The following PIKFYVE variants were observed in gnomAD, a reference collection of about 807,000 sequenced individuals.
The protein encoded by PIKFYVE is 1-phosphatidylinositol 3-phosphate 5-kinase.
A neutral mutation model predicts 257.9 loss-of-function variants in PIKFYVE; 122 were observed. The observed-to-expected ratio is 0.47, with a 90% CI of 0.41 to 0.55. The LOEUF is 0.55. Ranked by LOEUF, PIKFYVE falls within the 20% of genes least tolerant of loss-of-function variation. The pLI, the probability that PIKFYVE is intolerant of heterozygous loss-of-function variation, is 0.00. For missense variants in PIKFYVE, 2,160 were observed against 2,536.6 expected, an observed-to-expected ratio of 0.85 and a Z score of 3.19; for synonymous variants, 892 against 868.9, an observed-to-expected ratio of 1.03 and a Z score of -0.47.
rs1232817137 is a variant in PIKFYVE at position 208,342,546 on chromosome 2, T to A, written c.4932-8T>A. ...TAGTTAACTTATGTATTTTAAAAAT[T>A]TGCATAGTGATCCAGATAAACACTA... On this transcript the variant is annotated splice_polypyrimidine_tract_variant and splice_region_variant and intron_variant, in intron 31 of 41. Transcript: ENST00000264380. 3.7e-6 allele frequency: 6 copies of A among 1,608,942 alleles called. No homozygotes were observed. Among genetic ancestry groups the A allele is most frequent in the Non-Finnish European group, 5.1e-6 (6 of 1,175,494 alleles).
chr2:208,354,153 A>G lies in PIKFYVE; in HGVS notation c.6100A>G (p.Ile2034Val). The change falls in exon 40 of 42, where the codon ATT (isoleucine) becomes GTT (valine). Residue 2034 changes from isoleucine to valine, a missense_variant. Coordinates refer to ENST00000264380, the MANE Select transcript of PIKFYVE (RefSeq NM_015040.4). Reference sequence around the variant, plus strand: ...TACTAGCAATGAGCTAGTAGTTGGAATTATAGGTAAGTCAATGAGTACCCT... The same window carrying G: ...TACTAGCAATGAGCTAGTAGTTGGAGTTATAGGTAAGTCAATGAGTACCCT... Reference protein sequence around the residue: ...DDTSNELVVGIIDYIRTFTWD... With the variant: ...DDTSNELVVGVIDYIRTFTWD... 3 of 1,613,012 alleles carry G rather than the reference A, an allele frequency of 1.9e-6. No homozygotes were observed. Among genetic ancestry groups the G allele is most frequent in the Non-Finnish European group, 2.5e-6 (3 of 1,179,808 alleles).
intron 34 of PIKFYVE, among the ~76,000 whole-genome samples, chr2:208,347,188 A>G (rs1424338288): frequency 6.6e-6 from 1 of 152,232 alleles, no homozygotes; most frequent in Non-Finnish European, 1.5e-5. Flanking sequence ...TTACCCAAGT[A>G]AGCACATTTA....
At chr2:208,322,702 T>TA (rs71041303) in intron 17 of PIKFYVE, among the ~76,000 whole-genome samples, 18,739 of 148,298 alleles carry the variant, frequency 0.13, 1,341 homozygotes, top group African/African-American at 0.18. Context: ...TATATATATA[T>TA]TTTTTTTATT....
intron 6 of PIKFYVE, 127 bp from the exon 7 acceptor site, chr2:208,288,602 C>G (rs1432448944): frequency 7.0e-7 from 1 of 1,420,096 alleles, no homozygotes; most frequent in East Asian, 2.5e-5. Flanking sequence ...AAAGGAAGAA[C>G]AAAAATGACA....
chr2:208,280,828 G>A (rs1690709679), intron 5 of PIKFYVE, among the ~76,000 whole-genome samples: 2 of 152,162 alleles, frequency 1.3e-5, no homozygotes, highest in South Asian at 4.1e-4. Context: ...CTTCACTTGT[G>A]GAGACATTAT....
rs16840942 is a variant in PIKFYVE, at chr2:208,324,127, A to T, written c.2191-15A>T. 8,771 of 1,611,254 alleles carry T rather than the reference A, an allele frequency of 5.4e-3. 373 individuals are homozygous for T. The African/African-American group carries it at 0.1, about 19-fold the overall frequency. ...CATTTTACCAGGTGTAATATTTCTG[A>T]TTTATCTTACTTAGGAAAGGGAATT... On this transcript the variant is annotated splice_polypyrimidine_tract_variant and intron_variant, in intron 17 of 41. Transcript: ENST00000264380.
intron 3 of PIKFYVE, chr2:208,274,157 G>C (rs1467294848): frequency 4.0e-6 from 5 of 1,261,006 alleles, no homozygotes; most frequent in African/African-American, 3.0e-5. Context: ...TCCATTATTG[G>C]GCTGCCACTT....
At chr2:208,316,100 C>T (rs1574590050) in intron 15 of PIKFYVE, among the ~76,000 whole-genome samples, 1 of 143,916 alleles carries the variant, frequency 6.9e-6, no homozygotes. Context: ...TGTTCAATTC[C>T]CATCTATGAG....
At chr2:208,281,018 AG>A (rs1690735468) in intron 5 of PIKFYVE, among the ~76,000 whole-genome samples, 1 of 152,214 alleles carries the variant, frequency 6.6e-6, no homozygotes, top group Non-Finnish European at 1.5e-5. Flanking sequence ...CAGTAGCAGT[AG>A]TTCCTGCTGT....
chr2:208,274,513 C>T (rs889467189), intron 3 of PIKFYVE, among the ~76,000 whole-genome samples: 3 of 152,136 alleles, frequency 2.0e-5, no homozygotes, highest in African/African-American at 7.2e-5. Context: ...GATCTTCCCC[C>T]AGATAGTGGT....
chr2:208,335,212 G>T, intron 24 of PIKFYVE, 94 bp from the exon 25 acceptor site: 1 of 832,928 alleles, frequency 1.2e-6, no homozygotes, highest in Non-Finnish European at 2.0e-6. Flanking sequence ...TTCCTCTTAT[G>T]CCTCATAGAA....
chr2:208,349,073 G>A (rs1699512777), intron 35 of PIKFYVE, among the ~76,000 whole-genome samples: 1 of 152,100 alleles, frequency 6.6e-6, no homozygotes, highest in Non-Finnish European at 1.5e-5. Flanking sequence ...TGAGGCACGA[G>A]AACTGCATGA....
At chr2:208,349,807 TAATTTAAAAACTGA>T (rs1699600954) in intron 35 of PIKFYVE, among the ~76,000 whole-genome samples, 1 of 152,130 alleles carries the variant, frequency 6.6e-6, no homozygotes, top group Admixed American at 6.5e-5. Flanking sequence ...TCTATTTTTC[TAATTTAAAAACTGA>T]AATTCCAAAA....
chr2:208,274,122 C>A, intron 3 of PIKFYVE: 1 of 1,500,566 alleles, frequency 6.7e-7, no homozygotes, highest in Non-Finnish European at 9.2e-7. Context: ...GATATGCATG[C>A]CTCTGGCTGC....
At chr2:208,342,853 G>C (rs919504853) in intron 32 of PIKFYVE, among the ~76,000 whole-genome samples, 1 of 142,226 alleles carries the variant, frequency 7.0e-6, no homozygotes, top group African/African-American at 2.6e-5. Flanking sequence ...GGAGTGCAGT[G>C]GTGCAATCTC....
At chr2:208,332,029 A>G (rs1287529113) in intron 23 of PIKFYVE, among the ~76,000 whole-genome samples, 1 of 152,202 alleles carries the variant, frequency 6.6e-6, no homozygotes, top group Non-Finnish European at 1.5e-5. Flanking sequence ...TTTATGCTAG[A>G]AAGGAAAAGG....
chr2:208,325,121 T>G (rs1696769044), intron 19 of PIKFYVE, 84 bp downstream of exon 19: 6 of 1,593,282 alleles, frequency 3.8e-6, no homozygotes, highest in African/African-American at 1.3e-5. Flanking sequence ...GAAATACCTA[T>G]TAATAGTGGG....
chr2:208,268,593 A>G (rs1206380627), intron 1 of PIKFYVE, among the ~76,000 whole-genome samples: 1 of 145,972 alleles, frequency 6.9e-6, no homozygotes, highest in Non-Finnish European at 1.5e-5. Flanking sequence ...TTTTTTTAAT[A>G]TAAAAAAAAC....
intron 35 of PIKFYVE, among the ~76,000 whole-genome samples, chr2:208,348,267 T>C (rs1258333225): frequency 2.6e-5 from 4 of 152,160 alleles, no homozygotes; most frequent in Non-Finnish European, 5.9e-5. Context: ...CCATAACGTG[T>C]AAAGTGGCAA....
Sources: allele counts gnomAD v4.1 joint callset (sites outside exome capture counted in the v4.1 genomes callset), GRCh38; gene constraint gnomAD v4.1.1; transcripts MANE v1.5; gene names NCBI Gene and HGNC (gene_info 2026-07-23, HGNC 2026-07-21).